The following SMOC1 variants were observed in gnomAD, a reference collection of about 807,000 sequenced individuals.
SMOC1 encodes SPARC-related modular calcium-binding protein 1.
SMOC1 carries 22 observed loss-of-function variants against 56.3 expected under a neutral mutation model. That is an observed-to-expected ratio of 0.39 (90% CI 0.28 to 0.56). The LOEUF is 0.56. SMOC1 is among the 20% of genes least tolerant of loss of function. SMOC1 has a pLI of 0.61. For missense variants in SMOC1, 509 were observed against 565.4 expected (o/e 0.90, Z 1.01); for synonymous variants, 193 against 215.0 (o/e 0.90, Z 0.89).
chr14:70,030,349 A>G lies in SMOC1; in HGVS notation c.*91A>G, dbSNP rs1378933156. On this transcript the variant is annotated 3_prime_UTR_variant, in exon 12 of 12. Transcript: ENST00000361956. ...CTTCAGCGTTGCCCATGGCCCTGCC[A>G]CATCCCGTGTAACATAAGTGGTGCC... 6.6e-7 allele frequency: 1 copy of G among 1,512,614 alleles called. No homozygotes were observed. The highest frequency in any genetic ancestry group is 2.3e-5 in the East Asian group (1 of 44,350). 93.7% of individuals were successfully genotyped at this position (1,512,614 alleles called of 1,614,324 possible).
In SMOC1 at chr14:69,939,488, A is replaced by G. The variant is rs189538821; in HGVS notation, c.100-12650A>G. On this transcript the variant is annotated intron_variant, in intron 1 of 11. Coordinates refer to ENST00000361956, the MANE Select transcript of SMOC1 (RefSeq NM_001034852.3). ...ATTTGGGTGGGGAAATAGCCAAACCATGTCACTAAGACATTTTGTCTCACA... is the reference window on the plus strand; with the variant it reads ...ATTTGGGTGGGGAAATAGCCAAACCGTGTCACTAAGACATTTTGTCTCACA... 1.8e-3 allele frequency among the ~76,000 whole-genome samples: 276 copies of G among 152,288 alleles called. 1 individual carries two copies. The South Asian group carries it at 0.027, about 15-fold the overall frequency.
intron 1 of SMOC1, among the ~76,000 whole-genome samples, chr14:69,938,748 C>T (rs1357048396): frequency 6.6e-6 from 1 of 152,180 alleles, no homozygotes; most frequent in Non-Finnish European, 1.5e-5. Context: ...CTTTGGGGAA[C>T]ATACTGTGAT....
At chr14:69,975,931 A>G in intron 4 of SMOC1, 117 bp downstream of exon 4, 1 of 730,866 alleles carries the variant, frequency 1.4e-6, no homozygotes. Context: ...ACCTTTTTCT[A>G]GATCAGGGAG....
chr14:69,913,429 C>T (rs781308688), intron 1 of SMOC1, among the ~76,000 whole-genome samples: 1 of 151,918 alleles, frequency 6.6e-6, no homozygotes, highest in Non-Finnish European at 1.5e-5. Context: ...TAGTTAAATT[C>T]GAATTTCAGA....
At chr14:69,999,355 A>G (rs1884885580) in intron 7 of SMOC1, among the ~76,000 whole-genome samples, 1 of 152,146 alleles carries the variant, frequency 6.6e-6, no homozygotes, top group Non-Finnish European at 1.5e-5. Flanking sequence ...TGGCCCGCCT[A>G]GAAACCACCG....
chr14:69,991,828 G>A (rs1255015566), intron 5 of SMOC1, among the ~76,000 whole-genome samples: 1 of 152,166 alleles, frequency 6.6e-6, no homozygotes, highest in Non-Finnish European at 1.5e-5. Context: ...ATTCTCTTCA[G>A]TTCCGTGTGC....
At chr14:69,991,300 G>A (rs1398464321) in intron 5 of SMOC1, among the ~76,000 whole-genome samples, 3 of 152,106 alleles carry the variant, frequency 2.0e-5, no homozygotes, top group African/African-American at 7.2e-5. Context: ...ATAACCTTAA[G>A]AGGGACAAAG....
At chr14:70,026,146 G>A (rs947405449) in intron 11 of SMOC1, among the ~76,000 whole-genome samples, 5 of 152,192 alleles carry the variant, frequency 3.3e-5, no homozygotes, top group East Asian at 1.9e-4. Flanking sequence ...TGCCCCTTCC[G>A]GTGACATTAT....
chr14:69,942,213 A>T (rs1372050794), intron 1 of SMOC1, among the ~76,000 whole-genome samples: 2 of 151,950 alleles, frequency 1.3e-5, no homozygotes, highest in African/African-American at 4.8e-5. Flanking sequence ...TTGCAACTAG[A>T]TCAGCTTGTA....
intron 1 of SMOC1, among the ~76,000 whole-genome samples, chr14:69,946,956 C>T (rs958665323): frequency 6.6e-6 from 1 of 152,170 alleles, no homozygotes; most frequent in Non-Finnish European, 1.5e-5. Flanking sequence ...GCTTCACCTT[C>T]TGCCCTGAGT....
intron 1 of SMOC1, among the ~76,000 whole-genome samples, chr14:69,931,736 A>T (rs911383022): frequency 1.3e-5 from 2 of 152,242 alleles, no homozygotes; most frequent in African/African-American, 4.8e-5. Flanking sequence ...CCTGAAAATC[A>T]GGGGATGTGG....
chr14:69,907,069 G>A (rs553994249), intron 1 of SMOC1, among the ~76,000 whole-genome samples: 4 of 152,278 alleles, frequency 2.6e-5, no homozygotes, highest in African/African-American at 4.8e-5. Context: ...CTGAGAAAAT[G>A]TTCTTGAACA....
chr14:69,947,575 T>C (rs1882833118), intron 1 of SMOC1, among the ~76,000 whole-genome samples: 1 of 152,142 alleles, frequency 6.6e-6, no homozygotes, highest in African/African-American at 2.4e-5. Flanking sequence ...TTCTTTTTTC[T>C]CTTTTTTGTT....
At chr14:69,993,581 G>A (rs921607584) in intron 6 of SMOC1, among the ~76,000 whole-genome samples, 2 of 152,188 alleles carry the variant, frequency 1.3e-5, no homozygotes, top group East Asian at 1.9e-4. Context: ...GATGTCCCTA[G>A]CACAAGCTTA....
intron 3 of SMOC1, among the ~76,000 whole-genome samples, chr14:69,956,021 C>A (rs969556173): frequency 2.6e-5 from 4 of 152,184 alleles, no homozygotes; most frequent in African/African-American, 7.2e-5. Context: ...TTGGCTACCT[C>A]GTGACAGACA....
At chr14:69,938,689 G>A (rs1882424875) in intron 1 of SMOC1, among the ~76,000 whole-genome samples, 1 of 152,182 alleles carries the variant, frequency 6.6e-6, no homozygotes, top group Non-Finnish European at 1.5e-5. Context: ...ACTTCTGTCG[G>A]TGGCGTGAGG....
chr14:69,980,224 G>A (rs764102484), intron 5 of SMOC1, among the ~76,000 whole-genome samples: 49 of 152,154 alleles, frequency 3.2e-4, no homozygotes, highest in South Asian at 6.2e-4. Flanking sequence ...CTCCAGGGGC[G>A]ATGCAGGAAA....
At chr14:70,023,574 C>G in intron 11 of SMOC1, 127 bp downstream of exon 11, 1 of 1,351,114 alleles carries the variant, frequency 7.4e-7, no homozygotes, top group Non-Finnish European at 1.1e-6. Flanking sequence ...TGGAAGTGTG[C>G]TATGCTTCAT....
rs1451011707 is a variant in SMOC1, at chr14:69,989,925, C to T, written c.527-2492C>T. 7.2e-5 allele frequency among the ~76,000 whole-genome samples: 11 copies of T among 152,332 alleles called. No individual in the cohort carries two copies. In the East Asian group the frequency reaches 1.9e-3, roughly 27 times the overall value. On this transcript the variant is annotated intron_variant, in intron 5 of 11. Transcript: ENST00000361956. The stretch of plus-strand genomic sequence containing the variant: ...GTGCTGTTCGCTTTGGCTTGGCTTC[C>T]CAGCCTTTGAGCATGCTGGATGTCA...
Sources: allele counts gnomAD v4.1 joint callset (sites outside exome capture counted in the v4.1 genomes callset), GRCh38; gene constraint gnomAD v4.1.1; transcripts MANE v1.5; gene names NCBI Gene and HGNC (gene_info 2026-07-23, HGNC 2026-07-21).